FBN1: variants seen among roughly 807,000 people sequenced by gnomAD.
The protein encoded by FBN1 is fibrillin 1, also known as fibrillin-1.
A neutral mutation model predicts 365.1 loss-of-function variants in FBN1; 29 were observed. The observed-to-expected ratio is 0.08, with a 90% CI of 0.06 to 0.11. The LOEUF (loss-of-function observed/expected upper bound fraction) is 0.11, where lower values mean the gene tolerates loss of function less well. Ranked by LOEUF, FBN1 falls within the 10% of genes least tolerant of loss-of-function variation. The pLI, the probability that FBN1 is intolerant of heterozygous loss-of-function variation, is 1.00. For missense variants in FBN1, 2,476 were observed against 3,703.2 expected (o/e 0.67, Z 8.60); for synonymous variants, 1,210 against 1,270.5 (o/e 0.95, Z 1.01).
At chr15:48,632,119 AT>A (rs1231114541) in intron 2 of FBN1, among the ~76,000 whole-genome samples, 1 of 152,164 alleles carries the variant, frequency 6.6e-6, no homozygotes, top group Non-Finnish European at 1.5e-5. Flanking sequence ...AAATTTAAAA[AT>A]AAAAACTTAT....
rs180817384 is a variant in FBN1 at position 48,414,293 on chromosome 15, C to T, written c.8051+1243G>A. On this transcript the variant is annotated intron_variant, in intron 64 of 65. Transcript: ENST00000316623. ...TTCTGTGTGCTTCCCACGAAACATT[C>T]TTCTACCTACCCAGATCCAAAATGA... Among the ~76,000 whole-genome samples the T allele has an allele frequency of 6.9e-4, 105 of 152,296 alleles. 1 individual carries two copies. Among genetic ancestry groups the T allele is most frequent in the Middle Eastern group, 6.8e-3 (2 of 294 alleles).
intron 43 of FBN1, among the ~76,000 whole-genome samples, chr15:48,458,328 T>A (rs78533502): frequency 0.018 from 2,691 of 152,302 alleles, 52 homozygotes; most frequent in East Asian, 0.083. Flanking sequence ...AGACCCTTTT[T>A]AAAAAAGGGC....
chr15:48,524,965 T>C (rs2043896089), intron 9 of FBN1, among the ~76,000 whole-genome samples: 1 of 152,260 alleles, frequency 6.6e-6, no homozygotes, highest in South Asian at 2.1e-4. Flanking sequence ...AATCCTCATG[T>C]AGTTTGAAGC....
chr15:48,507,248 T>C (rs1371337564), intron 15 of FBN1, among the ~76,000 whole-genome samples: 1 of 151,898 alleles, frequency 6.6e-6, no homozygotes, highest in East Asian at 1.9e-4. Context: ...TTTCTATTAT[T>C]TTTTTTTGGA....
intron 6 of FBN1, among the ~76,000 whole-genome samples, chr15:48,589,213 G>T (rs1015758161): frequency 2.0e-5 from 3 of 152,146 alleles, no homozygotes; most frequent in Admixed American, 2.0e-4. Flanking sequence ...AGATGCCTCT[G>T]CCCCCATTAA....
intron 8 of FBN1, among the ~76,000 whole-genome samples, chr15:48,533,853 A>C (rs2043991789): frequency 6.6e-6 from 1 of 152,224 alleles, no homozygotes; most frequent in Non-Finnish European, 1.5e-5. Context: ...AATTTGATTC[A>C]GATGGACCTC....
chr15:48,506,717 C>A (rs935747272), intron 15 of FBN1, among the ~76,000 whole-genome samples: 1 of 152,176 alleles, frequency 6.6e-6, no homozygotes, highest in Non-Finnish European at 1.5e-5. Context: ...ACAGTCACAT[C>A]TTTGTGGGCT....
In FBN1 at chr15:48,410,756, A is replaced by G; in HGVS notation, c.*234T>C. ...TACACGTCCCAGTTTTCAAGAATCA[A>G]CACATATGACAAGGTAGCTTAGCTA... On this transcript the variant is annotated 3_prime_UTR_variant, in exon 66 of 66. Transcript: ENST00000316623. The G allele has an allele frequency of 2.0e-6, 1 of 504,116 alleles. No homozygotes were observed. The highest frequency in any genetic ancestry group is 3.5e-6 in the Non-Finnish European group (1 of 287,692). The allele number at this position is 504,116 out of a possible 1,614,324, so 31.2% of individuals were successfully genotyped here. A position where few individuals can be genotyped will look rare whatever the true frequency, so the allele number is the denominator to read the frequency against.
At chr15:48,483,645 TAGCC>T (rs2043483293) in intron 31 of FBN1, among the ~76,000 whole-genome samples, 169 bp downstream of exon 31, 1 of 152,344 alleles carries the variant, frequency 6.6e-6, no homozygotes, top group South Asian at 2.1e-4. Flanking sequence ...TACCATTTAA[TAGCC>T]ACAAGAAAGC....
intron 63 of FBN1, among the ~76,000 whole-genome samples, chr15:48,417,841 T>C (rs1597511051): frequency 6.6e-6 from 1 of 152,310 alleles, no homozygotes; most frequent in East Asian, 1.9e-4. Flanking sequence ...TGATGTCTTC[T>C]TGCTCCTCCA....
intron 6 of FBN1, among the ~76,000 whole-genome samples, chr15:48,555,206 T>A (rs114154282): frequency 2.6e-5 from 4 of 152,290 alleles, no homozygotes; most frequent in Non-Finnish European, 4.4e-5. Context: ...GTCCCAGCCC[T>A]GAAAATCTGT....
intron 42 of FBN1, among the ~76,000 whole-genome samples, chr15:48,462,483 G>A (rs917818313): frequency 6.6e-6 from 1 of 152,142 alleles, no homozygotes; most frequent in Non-Finnish European, 1.5e-5. Flanking sequence ...TGCTCATTGA[G>A]AATTTTGTAC....
chr15:48,486,140 T>C (rs945243540), intron 29 of FBN1, among the ~76,000 whole-genome samples: 3 of 152,158 alleles, frequency 2.0e-5, no homozygotes, highest in African/African-American at 4.8e-5. Context: ...AGGAGAAGTA[T>C]TGGGTGCTAG....
At chr15:48,570,866 G>A (rs979116820) in intron 6 of FBN1, among the ~76,000 whole-genome samples, 2 of 152,202 alleles carry the variant, frequency 1.3e-5, no homozygotes, top group African/African-American at 4.8e-5. Context: ...GGATGGGTGG[G>A]CAGATCCAAG....
chr15:48,559,661 C>G (rs2044209178), intron 6 of FBN1, among the ~76,000 whole-genome samples: 1 of 152,296 alleles, frequency 6.6e-6, no homozygotes, highest in Middle Eastern at 3.4e-3. Flanking sequence ...GGCTTGTTAA[C>G]AACTGCCAAG....
intron 50 of FBN1, 103 bp downstream of exon 50, chr15:48,441,618 T>A (rs1260220036): frequency 9.1e-6 from 13 of 1,425,572 alleles, no homozygotes; most frequent in Middle Eastern, 3.5e-4. Flanking sequence ...AAACTCTCCA[T>A]CTTCCTGTTC....
chr15:48,502,052 A>G (rs2043663989), intron 17 of FBN1, among the ~76,000 whole-genome samples: 1 of 152,088 alleles, frequency 6.6e-6, no homozygotes, highest in Non-Finnish European at 1.5e-5. Context: ...TTATTGAGAC[A>G]GAGTCTCGCT....
Position 48,456,749 on chromosome 15 carries a change from G to A in FBN1, c.5310C>T (p.Cys1770=). ...TTTCACAGACCCCTGGGATCTCCCG[G>A]CACTCATCAATATCTAGAGACAGAG... ...YTGLPVDIDE[C]REIPGVCENG... The change falls in exon 44 of 66, where the codon TGC becomes TGT. Residue 1770 remains cysteine (C), a synonymous_variant. Transcript: ENST00000316623. 1 of 1,613,276 alleles carries A rather than the reference G, an allele frequency of 6.2e-7. No homozygotes were observed. Among genetic ancestry groups the A allele is most frequent in the Non-Finnish European group, 8.5e-7 (1 of 1,179,588 alleles).
Position 48,559,835 on chromosome 15 carries a change from T to C in FBN1, c.539-22027A>G, listed in dbSNP as rs372199723. On this transcript the variant is annotated intron_variant, in intron 6 of 65. Transcript: ENST00000316623. ...ATATATTGAAGTGAAAGACGAAGTA[T>C]TTTACCAACAAAATCCTATGGAGAC... is the stretch of plus-strand genomic sequence containing the variant. Among the ~76,000 whole-genome samples, 11 of 152,276 alleles carry C rather than the reference T, an allele frequency of 7.2e-5. No individual in the cohort carries two copies. The South Asian group carries it at 2.1e-3, about 29-fold the overall frequency.
Sources: gnomAD v4.1 joint callset for allele counts (sites outside exome capture counted in the v4.1 genomes callset) on GRCh38, gnomAD v4.1.1 for gene constraint, MANE v1.5 for transcripts, NCBI Gene and HGNC (gene_info 2026-07-23, HGNC 2026-07-21) for gene names.